The following MIER2 variants were observed in gnomAD, a reference collection of about 807,000 sequenced individuals.
The protein encoded by MIER2 is mesoderm induction early response protein 2.
In MIER2, 30 loss-of-function variants were observed where a neutral mutation model predicts 67.6. The observed-to-expected ratio is 0.44, with a 90% CI of 0.33 to 0.60. The LOEUF is 0.60. Ranked by LOEUF, MIER2 falls within the 20% of genes least tolerant of loss-of-function variation. The probability of loss-of-function intolerance (pLI) is 0.02; values close to 1 mark genes in which losing one functional copy is unlikely to be tolerated. For synonymous variants in MIER2, 372 were observed against 312.6 expected (o/e 1.19, Z -2.00); for missense variants, 702 against 745.1 (o/e 0.94, Z 0.67).
chr19:336,181 G>A lies in MIER2; in HGVS notation c.10-8C>T, dbSNP rs1227804950. The A allele has an allele frequency of 6.2e-7, 1 of 1,611,644 alleles. No individual in the cohort carries two copies. The stretch of plus-strand genomic sequence containing the variant: ...CCTCCCCAGCGAGGAGGCCTGCGAA[G>A]GAAGAGAGGCAGGGTTAGCTCGGCC... On this transcript the variant is annotated splice_region_variant and splice_polypyrimidine_tract_variant and intron_variant, in intron 1 of 13. Coordinates refer to ENST00000264819, the MANE Select transcript of MIER2 (RefSeq NM_017550.3).
At chr19:326,773 G>GA in intron 5 of MIER2, 175 bp from the exon 6 acceptor site, 1 of 610,326 alleles carries the variant, frequency 1.6e-6, no homozygotes, top group Admixed American at 2.9e-5. Flanking sequence ...CACCTTTGAA[G>GA]AAAGAGGCCT....
At chr19:322,613 C>T (rs916606265) in intron 7 of MIER2, among the ~76,000 whole-genome samples, 14 of 152,120 alleles carry the variant, frequency 9.2e-5, no homozygotes, top group African/African-American at 3.4e-4. Context: ...CAATTAAAAC[C>T]ACAATGGGAC....
intron 1 of MIER2, 81 bp downstream of exon 1, chr19:344,693 C>G: frequency 1.1e-6 from 1 of 947,722 alleles, no homozygotes; most frequent in Non-Finnish European, 1.3e-6. Flanking sequence ...TCCCTGGGGC[C>G]CACGACGAGG....
At chr19:322,296 T>A (rs1568226606) in intron 7 of MIER2, among the ~76,000 whole-genome samples, 1 of 152,082 alleles carries the variant, frequency 6.6e-6, no homozygotes, top group South Asian at 2.1e-4. Flanking sequence ...TGGAAGAATA[T>A]CTCCAAGAGC....
chr19:328,029 G>A lies in MIER2; in HGVS notation c.244-40C>T, dbSNP rs761702617. ...GGAACAAGGCCCCATCAGGAGGGACGGCTCTGGGGGTTCCTGTCCCTGTCC... is the reference window on the plus strand; with the variant it reads ...GGAACAAGGCCCCATCAGGAGGGACAGCTCTGGGGGTTCCTGTCCCTGTCC... On this transcript the variant is annotated intron_variant, in intron 3 of 13. Coordinates refer to ENST00000264819, the MANE Select transcript of MIER2 (RefSeq NM_017550.3). The A allele has an allele frequency of 4.2e-5, 67 of 1,605,900 alleles. No homozygotes were observed. In the Middle Eastern group the frequency reaches 1.2e-3, roughly 28 times the overall value.
intron 1 of MIER2, chr19:344,513 G>A: frequency 2.5e-6 from 1 of 396,730 alleles, no homozygotes; most frequent in Non-Finnish European, 3.4e-6. Context: ...CCCGGCCCCC[G>A]CCCGCCCCGC....
Position 308,367 on chromosome 19 carries a change from G to A in MIER2, c.1198+210C>T, listed in dbSNP as rs1970762058. Among the ~76,000 whole-genome samples the A allele has an allele frequency of 6.6e-6, 1 of 152,152 alleles. No individual in the cohort carries two copies. Among genetic ancestry groups the A allele is most frequent in the African/African-American group, 2.4e-5 (1 of 41,436 alleles). ...ATGCACCCCTCCAGCAAGCCCAGAG[G>A]GTAAGCGTAATCCCTGCCCTCCCCT... On this transcript the variant is annotated intron_variant, in intron 12 of 13. Coordinates refer to ENST00000264819, the MANE Select transcript of MIER2 (RefSeq NM_017550.3). This position sits in a 1 kb window ranked among gnomAD's most constrained non-coding sequence, Gnocchi z 9.1.
chr19:328,468 C>G (rs1285740506), intron 3 of MIER2, among the ~76,000 whole-genome samples: 1 of 151,602 alleles, frequency 6.6e-6, no homozygotes, highest in African/African-American at 2.4e-5. Flanking sequence ...CATAAACAGG[C>G]CAGACACAGT....
chr19:328,447 T>A (rs1971869487), intron 3 of MIER2, among the ~76,000 whole-genome samples: 1 of 148,822 alleles, frequency 6.7e-6, no homozygotes, highest in Non-Finnish European at 1.5e-5. Flanking sequence ...AAAGGAACTC[T>A]CAGAAAACTA....
Position 326,599 on chromosome 19 carries a change from C to A in MIER2, c.494-1G>T. ...CTGTCTTCATCAGCCAGGAAACGAG[C>A]TTTGGGAAAACAGAGGCAGGTCCCC... On this transcript the variant is annotated splice_acceptor_variant, in intron 5 of 13. Transcript: ENST00000264819. LOFTEE classifies it high-confidence loss of function. 1 of 1,613,974 alleles carries A rather than the reference C, an allele frequency of 6.2e-7. No individual in the cohort carries two copies. Among genetic ancestry groups the A allele is most frequent in the Non-Finnish European group, 8.5e-7 (1 of 1,179,846 alleles).
rs1174980779 is a variant in MIER2 at position 313,422 on chromosome 19, C to G, written c.807+70G>C. 8 of 1,568,394 alleles carry G rather than the reference C, an allele frequency of 5.1e-6. No homozygotes were observed. The East Asian group carries it at 6.7e-5, about 13-fold the overall frequency. ...CTGCCCTCCCTGGCCCCTGGAGGCA[C>G]TGGGGTGTGAGCTCTGGCCCACGCC... On this transcript the variant is annotated intron_variant, in intron 8 of 13. Coordinates refer to ENST00000264819, the MANE Select transcript of MIER2 (RefSeq NM_017550.3).
intron 2 of MIER2, among the ~76,000 whole-genome samples, chr19:335,251 C>G (rs1972188857): frequency 6.6e-6 from 1 of 152,206 alleles, no homozygotes; most frequent in Admixed American, 6.5e-5. Flanking sequence ...GCCTGAGGGC[C>G]TGGGAGTCCA....
chr19:307,045 C>G, intron 13 of MIER2, 74 bp downstream of exon 13: 1 of 1,486,342 alleles, frequency 6.7e-7, no homozygotes, highest in Non-Finnish European at 9.0e-7. Context: ...CTCCCACCCT[C>G]CTCTGCTCAG....
chr19:336,554 A>G (rs1412471435), intron 1 of MIER2, among the ~76,000 whole-genome samples: 1 of 152,160 alleles, frequency 6.6e-6, no homozygotes, highest in African/African-American at 2.4e-5. Flanking sequence ...GTCCACTGAT[A>G]CCAAACATCC....
rs766100420 is a variant in MIER2, at chr19:311,838, T to C, written c.984+7A>G. ...CCCCCGGTGGAGCCTGGCAGTGGAG[T>C]CCGCACCTTGTTGGCCTGGATCAGG... On this transcript the variant is annotated splice_region_variant and intron_variant, in intron 10 of 13. Coordinates refer to ENST00000264819, the MANE Select transcript of MIER2 (RefSeq NM_017550.3). The C allele has an allele frequency of 4.3e-6, 7 of 1,613,722 alleles. No homozygotes were observed. The highest frequency in any genetic ancestry group is 5.9e-6 in the Non-Finnish European group (7 of 1,179,830).
intron 3 of MIER2, 84 bp downstream of exon 3, chr19:334,316 T>C: frequency 6.4e-7 from 1 of 1,568,190 alleles, no homozygotes; most frequent in Non-Finnish European, 8.7e-7. Context: ...CTTACCAATG[T>C]GGAATCTGAG....
intron 1 of MIER2, among the ~76,000 whole-genome samples, chr19:339,965 T>C (rs1185311691): frequency 6.6e-6 from 1 of 152,200 alleles, no homozygotes; most frequent in African/African-American, 2.4e-5. Flanking sequence ...GTGAACTGCA[T>C]GGTAAATGAA....
Position 307,419 on chromosome 19 carries a change from G to C in MIER2, c.1316C>G (p.Ala439Gly). 6.2e-7 allele frequency: 1 copy of C among 1,600,382 alleles called. No individual in the cohort carries two copies. The highest frequency in any genetic ancestry group is 8.5e-7 in the Non-Finnish European group (1 of 1,174,024). Residue 439 changes from alanine (A) to glycine (G), a missense_variant, in exon 13 of 14, where the codon GCT becomes GGT. Physicochemically the swap from Ala to Gly is moderately conservative, Grantham distance 60. Coordinates refer to ENST00000264819, the MANE Select transcript of MIER2 (RefSeq NM_017550.3). Reference sequence around the variant, plus strand: ...TGGGGGCCGATGGGACAGGGGTACAGCGGGGGACTCATCCAGCTGCTGGAA... The same window carrying C: ...TGGGGGCCGATGGGACAGGGGTACACCGGGGGACTCATCCAGCTGCTGGAA... Reference protein sequence around the residue: ...CSFQQLDESPAVPLSHRPPAL... With the variant: ...CSFQQLDESPGVPLSHRPPAL...
intron 3 of MIER2, 49 bp from the exon 4 acceptor site, chr19:328,038 G>C: frequency 6.2e-7 from 1 of 1,604,584 alleles, no homozygotes; most frequent in African/African-American, 1.3e-5. Context: ...CGGCTCTGGG[G>C]GTTCCTGTCC....
Sources: allele counts gnomAD v4.1 joint callset (sites outside exome capture counted in the v4.1 genomes callset), GRCh38; gene constraint gnomAD v4.1.1; non-coding constraint Gnocchi (gnomAD v3.1); transcripts MANE v1.5; gene names NCBI Gene and HGNC (gene_info 2026-07-23, HGNC 2026-07-21).